The following MSRB3 variants were observed in gnomAD, a reference collection of about 807,000 sequenced individuals.
MSRB3 encodes the protein methionine-R-sulfoxide reductase B3.
Under a neutral mutation model 21.0 loss-of-function variants are expected in MSRB3, and 13 were observed. The ratio of observed to expected loss-of-function variants is 0.62; its 90% confidence interval spans 0.40 to 0.98. MSRB3 has a LOEUF of 0.98. MSRB3 is among the 50% of genes least tolerant of loss of function. The pLI is 0.00. For missense variants in MSRB3, 199 were observed against 230.3 expected (o/e 0.86, Z 0.88); for synonymous variants, 87 against 88.6 (o/e 0.98, Z 0.10).
rs529081987 is a variant in MSRB3 at position 65,371,307 on chromosome 12, G to A, written c.292+2281G>A. 8.3e-5 allele frequency among the ~76,000 whole-genome samples: 10 copies of A among 121,056 alleles called. No homozygotes were observed. In the South Asian group the frequency reaches 1.7e-3, roughly 20 times the overall value. The allele number at this position is 121,056 out of a possible 152,430, so 79.4% of individuals were successfully genotyped here. On this transcript the variant is annotated intron_variant, in intron 5 of 6. Coordinates refer to ENST00000308259, the MANE Select transcript of MSRB3 (RefSeq NM_001031679.3). ...TCTGCCACTGCACTCCAGCCTGGGC[G>A]ACAAGAGCGAGACTCCATCTCAAAA... is the stretch of plus-strand genomic sequence containing the variant.
In MSRB3 at chr12:65,453,754, A is replaced by G. The variant is rs549371383; in HGVS notation, c.319A>G (p.Asn107Asp). ...SGWPSFHDVI[N>D]SEAITFTDDF... ...TTGGCCTTCATTCCACGATGTGATC[A>G]ATTCTGAGGCAATCACATTCACAGA... The change falls in exon 6 of 7, where the codon AAT (asparagine) becomes GAT (aspartate). Residue 107 changes from asparagine to aspartate, a missense_variant. Coordinates refer to ENST00000308259, the MANE Select transcript of MSRB3 (RefSeq NM_001031679.3). 3.8e-5 allele frequency: 62 copies of G among 1,614,114 alleles called. No individual in the cohort carries two copies. In the South Asian group the frequency reaches 5.9e-4, roughly 15 times the overall value.
intron 5 of MSRB3, 54 bp downstream of exon 5, chr12:65,369,080 T>C (rs1878179067): frequency 2.4e-6 from 3 of 1,272,530 alleles, no homozygotes; most frequent in Non-Finnish European, 3.4e-6. Flanking sequence ...CATTATTCTC[T>C]GAGGAGTAAA....
At chr12:65,326,051 T>G (rs1360178457) in intron 2 of MSRB3, among the ~76,000 whole-genome samples, 1 of 152,208 alleles carries the variant, frequency 6.6e-6, no homozygotes, top group Non-Finnish European at 1.5e-5. Flanking sequence ...AAAGAAAATG[T>G]AGGTTTCTAA....
chr12:65,426,676 C>T (rs1015158595), intron 5 of MSRB3, among the ~76,000 whole-genome samples: 7 of 152,164 alleles, frequency 4.6e-5, no homozygotes, highest in African/African-American at 1.7e-4. Context: ...AATCCTATAG[C>T]ATGAATATTT....
At chr12:65,400,073 T>C (rs1282583660) in intron 5 of MSRB3, among the ~76,000 whole-genome samples, 1 of 152,164 alleles carries the variant, frequency 6.6e-6, no homozygotes, top group Non-Finnish European at 1.5e-5. Flanking sequence ...CTTTTTTTGT[T>C]GTGTCTCTGC....
intron 5 of MSRB3, among the ~76,000 whole-genome samples, chr12:65,380,154 A>G (rs1878859808): frequency 6.6e-6 from 1 of 152,206 alleles, no homozygotes; most frequent in African/African-American, 2.4e-5. Context: ...AATCAAGGGT[A>G]GAATATGGAT....
chr12:65,417,030 A>C (rs906485581), intron 5 of MSRB3, among the ~76,000 whole-genome samples: 1 of 152,226 alleles, frequency 6.6e-6, no homozygotes, highest in Non-Finnish European at 1.5e-5. Flanking sequence ...CTTTAATAAA[A>C]TGAAAAAGTA....
intron 6 of MSRB3, among the ~76,000 whole-genome samples, chr12:65,461,253 C>T (rs1364373478): frequency 2.6e-5 from 4 of 152,146 alleles, no homozygotes; most frequent in Non-Finnish European, 4.4e-5. Flanking sequence ...TGGGTGTTTC[C>T]TGTGTCCGTT....
At chr12:65,337,776 A>G (rs1053747211) in intron 4 of MSRB3, among the ~76,000 whole-genome samples, 1 of 152,180 alleles carries the variant, frequency 6.6e-6, no homozygotes, top group African/African-American at 2.4e-5. Context: ...ATATTATTTG[A>G]CACAGTGATC....
intron 1 of MSRB3, among the ~76,000 whole-genome samples, chr12:65,308,074 T>C (rs1873762266): frequency 6.6e-6 from 1 of 152,200 alleles, no homozygotes. Flanking sequence ...TTTAGTCCTT[T>C]TTCCACTGGT....
intron 4 of MSRB3, among the ~76,000 whole-genome samples, chr12:65,331,211 AC>A (rs1875391861): frequency 6.6e-6 from 1 of 152,202 alleles, no homozygotes; most frequent in Admixed American, 6.5e-5. Flanking sequence ...ATCAGTCAGC[AC>A]CCAGTCAGGA....
chr12:65,379,587 G>A lies in MSRB3; in HGVS notation c.292+10561G>A, dbSNP rs1436609064. ...CAGTCACCACAGATTAAAGTTCCCTGTTCTTGAATTTCATATAAAATAGAA... is the reference window on the plus strand; with the variant it reads ...CAGTCACCACAGATTAAAGTTCCCTATTCTTGAATTTCATATAAAATAGAA... On this transcript the variant is annotated intron_variant, in intron 5 of 6. Transcript: ENST00000308259. Among the ~76,000 whole-genome samples, 4 of 152,152 alleles carry A rather than the reference G, an allele frequency of 2.6e-5. No homozygotes were observed. In the East Asian group the frequency reaches 7.7e-4, roughly 29 times the overall value.
At chr12:65,336,824 A>G (rs930153353) in intron 4 of MSRB3, among the ~76,000 whole-genome samples, 5 of 152,256 alleles carry the variant, frequency 3.3e-5, no homozygotes, top group African/African-American at 1.2e-4. Flanking sequence ...TAAGAATTGC[A>G]CAAATTTTAA....
In MSRB3 at chr12:65,411,004, T is replaced by C. The variant is rs191888338; in HGVS notation, c.292+41978T>C. Among the ~76,000 whole-genome samples, 610 of 152,248 alleles carry C rather than the reference T, an allele frequency of 4.0e-3. 4 individuals carry two copies. The highest frequency in any genetic ancestry group is 0.014 in the African/African-American group (570 of 41,542). ...TTTATGGGGTAGCGTATTTGATATA[T>C]AATCTTATTCTCATTTTGTTTAATG... On this transcript the variant is annotated intron_variant, in intron 5 of 6. Coordinates refer to ENST00000308259, the MANE Select transcript of MSRB3 (RefSeq NM_001031679.3).
At chr12:65,315,673 C>CAA (rs3080853) in intron 2 of MSRB3, among the ~76,000 whole-genome samples, 7 of 82,372 alleles carry the variant, frequency 8.5e-5, no homozygotes, top group Non-Finnish European at 1.1e-4. Flanking sequence ...GTCTCCATCT[C>CAA]AAAAAAAAAA....
intron 5 of MSRB3, among the ~76,000 whole-genome samples, chr12:65,437,831 A>G (rs1177654013): frequency 1.3e-5 from 2 of 151,930 alleles, no homozygotes; most frequent in African/African-American, 4.8e-5. Context: ...GTTGGATCTG[A>G]GAGATTTTTG....
intron 5 of MSRB3, among the ~76,000 whole-genome samples, chr12:65,416,534 T>C (rs1880986069): frequency 6.6e-6 from 1 of 152,226 alleles, no homozygotes; most frequent in Admixed American, 6.5e-5. Flanking sequence ...ACACCTGGGC[T>C]CTGTGGTATA....
At chr12:65,387,153 G>A (rs1879233856) in intron 5 of MSRB3, among the ~76,000 whole-genome samples, 1 of 151,882 alleles carries the variant, frequency 6.6e-6, no homozygotes, top group African/African-American at 2.4e-5. Flanking sequence ...GAGAATGAAA[G>A]GCAATGAACA....
chr12:65,356,716 G>C (rs954741082), intron 4 of MSRB3, among the ~76,000 whole-genome samples: 8 of 151,924 alleles, frequency 5.3e-5, no homozygotes, highest in Admixed American at 5.3e-4. Context: ...GGATTAGCTA[G>C]AGAACTTAAA....
Sources: allele counts gnomAD v4.1 joint callset (sites outside exome capture counted in the v4.1 genomes callset), GRCh38; gene constraint gnomAD v4.1.1; transcripts MANE v1.5; gene names NCBI Gene and HGNC (gene_info 2026-07-23, HGNC 2026-07-21).